The following COX7B2 variants were observed in gnomAD, a reference collection of about 807,000 sequenced individuals.
COX7B2 encodes the protein cytochrome c oxidase subunit 7B2, also known as cytochrome c oxidase subunit 7B2, mitochondrial.
For missense variants in COX7B2, 109 were observed against 95.9 expected (o/e 1.14, Z -0.57); for synonymous variants, 37 against 32.1 (o/e 1.15, Z -0.51).
chr4:46,842,319 A>G (rs1241723614), intron 2 of COX7B2, among the ~76,000 whole-genome samples: 2 of 152,036 alleles, frequency 1.3e-5, no homozygotes, highest in Non-Finnish European at 2.9e-5. Flanking sequence ...GACAGTAATG[A>G]CAAATGAATT....
Position 46,895,768 on chromosome 4 carries a change from G to GC in COX7B2, c.-105+13391dup, listed in dbSNP as rs886766335. 1.1e-3 allele frequency among the ~76,000 whole-genome samples: 167 copies of GC among 151,074 alleles called. 1 individual carries two copies. Among genetic ancestry groups the GC allele is most frequent in the Middle Eastern group, 6.8e-3 (2 of 294 alleles). ...ATACACATTGTTTTGTATTTTTAAG[G>GC]CCCCCCCCAAATTGTATAATCTTCC... On this transcript the variant is annotated intron_variant, in intron 1 of 2. Coordinates refer to ENST00000355591, the MANE Select transcript of COX7B2 (RefSeq NM_130902.3).
intron 2 of COX7B2, among the ~76,000 whole-genome samples, chr4:46,835,598 A>AT (rs565353329): frequency 1.1e-3 from 172 of 152,326 alleles, no homozygotes; most frequent in Non-Finnish European, 2.1e-3. Flanking sequence ...AAGATATAGC[A>AT]TGTTACAGAA....
chr4:46,893,404 T>A (rs1436166892), intron 1 of COX7B2, among the ~76,000 whole-genome samples: 2 of 152,202 alleles, frequency 1.3e-5, no homozygotes, highest in African/African-American at 4.8e-5. Context: ...CATTGCATTA[T>A]AAAATATCCA....
intron 2 of COX7B2, among the ~76,000 whole-genome samples, chr4:46,769,828 T>C (rs752826489): frequency 6.6e-6 from 1 of 152,038 alleles, no homozygotes; most frequent in African/African-American, 2.4e-5. Flanking sequence ...AAATTAGGTA[T>C]AGAAAGAATG....
At chr4:46,876,301 T>C (rs1398411403) in intron 1 of COX7B2, among the ~76,000 whole-genome samples, 1 of 152,156 alleles carries the variant, frequency 6.6e-6, no homozygotes, top group African/African-American at 2.4e-5. Context: ...GTAGGTTAAA[T>C]ATACCAGATG....
chr4:46,758,925 A>G (rs1233559957), intron 2 of COX7B2, among the ~76,000 whole-genome samples: 2 of 152,154 alleles, frequency 1.3e-5, no homozygotes, highest in African/African-American at 4.8e-5. Flanking sequence ...AGAAAACCAC[A>G]AGAAAAATTA....
At chr4:46,826,847 C>A (rs551015000) in intron 2 of COX7B2, among the ~76,000 whole-genome samples, 77 of 152,024 alleles carry the variant, frequency 5.1e-4, no homozygotes, top group African/African-American at 1.8e-3. Flanking sequence ...ACAACAGGCA[C>A]TGGGATCTAC....
intron 1 of COX7B2, among the ~76,000 whole-genome samples, chr4:46,905,580 T>C (rs1463964062): frequency 6.6e-6 from 1 of 152,196 alleles, no homozygotes; most frequent in African/African-American, 2.4e-5. Flanking sequence ...CAGTATACTG[T>C]TGCCTCTCTC....
At chr4:46,798,476 T>C (rs188582828) in intron 2 of COX7B2, among the ~76,000 whole-genome samples, 134 of 152,310 alleles carry the variant, frequency 8.8e-4, no homozygotes, top group African/African-American at 2.9e-3. Flanking sequence ...TACCCTGTGG[T>C]ACTTAAAGTG....
intron 1 of COX7B2, among the ~76,000 whole-genome samples, chr4:46,864,643 T>TG (rs1717537775): frequency 3.5e-5 from 5 of 142,780 alleles, no homozygotes; most frequent in African/African-American, 1.3e-4. Flanking sequence ...TCAGAGTTGT[T>TG]TTTTGTTTGT....
chr4:46,758,322 T>C (rs150207772), intron 2 of COX7B2, among the ~76,000 whole-genome samples: 148 of 152,224 alleles, frequency 9.7e-4, no homozygotes, highest in African/African-American at 1.6e-3. Context: ...AAGTGGGTGG[T>C]TGACATGGCT....
At chr4:46,764,550 A>T (rs1035961566) in intron 2 of COX7B2, among the ~76,000 whole-genome samples, 6 of 151,224 alleles carry the variant, frequency 4.0e-5, no homozygotes, top group Admixed American at 3.9e-4. Context: ...CTCAAAAATG[A>T]AAAAAAGAAA....
chr4:46,769,777 A>ACCCT (rs1716764832), intron 2 of COX7B2, among the ~76,000 whole-genome samples: 1 of 152,210 alleles, frequency 6.6e-6, no homozygotes. Flanking sequence ...TGCAGAAAAA[A>ACCCT]ATTTTGACAA....
intron 2 of COX7B2, among the ~76,000 whole-genome samples, chr4:46,781,506 A>G (rs1355790824): frequency 3.3e-5 from 5 of 152,180 alleles, no homozygotes; most frequent in African/African-American, 1.2e-4. Flanking sequence ...ACACATACTG[A>G]GAGGTGACAA....
At chr4:46,742,525 C>T (rs1714778685) in intron 2 of COX7B2, among the ~76,000 whole-genome samples, 1 of 152,068 alleles carries the variant, frequency 6.6e-6, no homozygotes, top group South Asian at 2.1e-4. Context: ...AGAAGCAATG[C>T]CGCTGGTAAA....
intron 2 of COX7B2, among the ~76,000 whole-genome samples, chr4:46,829,593 C>T (rs1374985367): frequency 6.6e-6 from 1 of 152,132 alleles, no homozygotes. Flanking sequence ...GACACTCCAT[C>T]TGATGGCACT....
At chr4:46,863,548 A>C (rs1476229329) in intron 1 of COX7B2, among the ~76,000 whole-genome samples, 11 of 152,224 alleles carry the variant, frequency 7.2e-5, no homozygotes, top group African/African-American at 2.4e-4. Context: ...TCTTAATAAA[A>C]TTACAAGAAA....
At chr4:46,855,437 G>A (rs2109788336) in intron 1 of COX7B2, among the ~76,000 whole-genome samples, 2 of 151,846 alleles carry the variant, frequency 1.3e-5, no homozygotes, top group Non-Finnish European at 2.9e-5. Flanking sequence ...ATGATTTTCA[G>A]TAAAGATTTT....
At chr4:46,745,998 T>C (rs1715000775) in intron 2 of COX7B2, among the ~76,000 whole-genome samples, 1 of 152,144 alleles carries the variant, frequency 6.6e-6, no homozygotes, top group South Asian at 2.1e-4. Context: ...AAAGTAAAAT[T>C]TCTATGCAAA....
Sources: gnomAD v4.1 joint callset for allele counts (sites outside exome capture counted in the v4.1 genomes callset) on GRCh38, gnomAD v4.1.1 for gene constraint, MANE v1.5 for transcripts, NCBI Gene and HGNC (gene_info 2026-07-23, HGNC 2026-07-21) for gene names.